The following FBXW7 variants were observed in gnomAD, a reference collection of about 807,000 sequenced individuals.
The protein encoded by FBXW7 is F-box/WD repeat-containing protein 7.
A neutral mutation model predicts 86.3 loss-of-function variants in FBXW7; 11 were observed. The ratio of observed to expected loss-of-function variants is 0.13; its 90% CI spans 0.08 to 0.21. FBXW7 has a LOEUF of 0.21. FBXW7 is among the 10% of genes least tolerant of loss of function. The pLI is 1.00. For missense variants in FBXW7, 488 were observed against 847.4 expected (o/e 0.58, Z 5.27); for synonymous variants, 313 against 297.9 (o/e 1.05, Z -0.52).
intron 4 of FBXW7, among the ~76,000 whole-genome samples, chr4:152,390,257 A>G (rs1376894171): frequency 6.6e-6 from 1 of 151,798 alleles, no homozygotes; most frequent in African/African-American, 2.4e-5. Flanking sequence ...ACTTTTCCTC[A>G]TCCTTTCATT....
intron 2 of FBXW7, among the ~76,000 whole-genome samples, chr4:152,454,786 AGACT>A (rs1195087532): frequency 6.6e-6 from 1 of 152,206 alleles, no homozygotes; most frequent in Non-Finnish European, 1.5e-5. Flanking sequence ...ATAAGGATAA[AGACT>A]GAATGTACAG....
intron 4 of FBXW7, chr4:152,382,558 A>C (rs549308580): frequency 1.9e-6 from 2 of 1,036,554 alleles, no homozygotes; most frequent in South Asian, 4.8e-5. Flanking sequence ...CAGGAATTAT[A>C]AACTACTGAA....
At chr4:152,418,024 T>A (rs1352329574) in intron 2 of FBXW7, among the ~76,000 whole-genome samples, 1 of 152,044 alleles carries the variant, frequency 6.6e-6, no homozygotes, top group Non-Finnish European at 1.5e-5. Context: ...AGTACTGATA[T>A]CAAAAGCTCT....
intron 2 of FBXW7, among the ~76,000 whole-genome samples, chr4:152,500,297 TAA>T (rs1212065338): frequency 1.3e-5 from 2 of 152,080 alleles, no homozygotes; most frequent in Admixed American, 1.3e-4. Flanking sequence ...TCATTTAGTA[TAA>T]GTCAATGCTG....
chr4:152,376,816 C>G (rs569456861), intron 4 of FBXW7, among the ~76,000 whole-genome samples: 1 of 152,108 alleles, frequency 6.6e-6, no homozygotes, highest in African/African-American at 2.4e-5. Flanking sequence ...ACCCCAGACC[C>G]TGAAGTATCA....
intron 2 of FBXW7, among the ~76,000 whole-genome samples, chr4:152,495,238 C>A (rs1320094855): frequency 6.6e-6 from 1 of 151,944 alleles, no homozygotes; most frequent in African/African-American, 2.4e-5. Flanking sequence ...TTCGAGATCA[C>A]CCTGTCCTAC....
chr4:152,340,360 G>C (rs1730601081), intron 6 of FBXW7, among the ~76,000 whole-genome samples: 1 of 151,968 alleles, frequency 6.6e-6, no homozygotes, highest in Non-Finnish European at 1.5e-5. Context: ...GGCAGATCAT[G>C]AGGTCAGGAG....
At chr4:152,531,943 G>T (rs1750059127) in intron 2 of FBXW7, among the ~76,000 whole-genome samples, 1 of 151,584 alleles carries the variant, frequency 6.6e-6, no homozygotes, top group South Asian at 2.1e-4. Flanking sequence ...TGGTGGCCAT[G>T]TTTAAAGCCT....
At chr4:152,327,426 T>C (rs115293786) in intron 11 of FBXW7, among the ~76,000 whole-genome samples, 2,150 of 152,180 alleles carry the variant, frequency 0.014, 24 homozygotes, top group Middle Eastern at 0.034. Context: ...GAGACCTTTT[T>C]TGACAAATGA....
At chr4:152,447,437 T>C (rs891911696) in intron 2 of FBXW7, among the ~76,000 whole-genome samples, 4 of 152,120 alleles carry the variant, frequency 2.6e-5, no homozygotes, top group African/African-American at 9.7e-5. Context: ...CAGCAAAACT[T>C]TTAAGTAATC....
At chr4:152,485,824 C>G (rs73865454) in intron 2 of FBXW7, among the ~76,000 whole-genome samples, 2,699 of 152,244 alleles carry the variant, frequency 0.018, 90 homozygotes, top group African/African-American at 0.061. Flanking sequence ...AAACAGAAAC[C>G]AGACTGATTG....
intron 4 of FBXW7, among the ~76,000 whole-genome samples, chr4:152,410,863 A>G (rs1737882308): frequency 6.6e-6 from 1 of 152,164 alleles, no homozygotes; most frequent in African/African-American, 2.4e-5. Context: ...AACTAGAACT[A>G]ATTTGAGGCA....
chr4:152,438,639 C>A (rs1047865270), intron 2 of FBXW7, among the ~76,000 whole-genome samples: 1 of 152,162 alleles, frequency 6.6e-6, no homozygotes, highest in Non-Finnish European at 1.5e-5. Context: ...TACATCACTG[C>A]ACTCGAGCCT....
At chr4:152,385,257 G>A (rs1735431098) in intron 4 of FBXW7, among the ~76,000 whole-genome samples, 1 of 151,816 alleles carries the variant, frequency 6.6e-6, no homozygotes, top group Non-Finnish European at 1.5e-5. Context: ...ATTAGAAGAG[G>A]GTAATATATT....
chr4:152,351,850 A>G (rs1205046365), intron 4 of FBXW7, among the ~76,000 whole-genome samples: 2 of 152,146 alleles, frequency 1.3e-5, no homozygotes, highest in Non-Finnish European at 2.9e-5. Flanking sequence ...GAAATCCTTC[A>G]ATGAATAAAC....
intron 4 of FBXW7, among the ~76,000 whole-genome samples, chr4:152,355,888 A>G (rs1181252327): frequency 6.6e-6 from 1 of 152,182 alleles, no homozygotes; most frequent in African/African-American, 2.4e-5. Context: ...AGCTCCTACC[A>G]GAGCTCTGAA....
At chr4:152,374,894 G>C (rs570408201) in intron 4 of FBXW7, among the ~76,000 whole-genome samples, 2 of 151,932 alleles carry the variant, frequency 1.3e-5, no homozygotes, top group African/African-American at 4.8e-5. Context: ...AGGAGGGGGG[G>C]GGATGATGCT....
intron 2 of FBXW7, among the ~76,000 whole-genome samples, chr4:152,510,652 G>A (rs1747878454): frequency 2.0e-5 from 3 of 152,214 alleles, no homozygotes; most frequent in Admixed American, 2.0e-4. Flanking sequence ...AAAGCTATGA[G>A]ATTAATCCAA....
intron 2 of FBXW7, among the ~76,000 whole-genome samples, chr4:152,434,963 C>G (rs867262741): frequency 9.9e-5 from 15 of 151,008 alleles, no homozygotes; most frequent in East Asian, 5.8e-4. Flanking sequence ...CCCGCTCCCC[C>G]CCCCCCACAC....
Sources: allele counts gnomAD v4.1 joint callset (sites outside exome capture counted in the v4.1 genomes callset), GRCh38; gene constraint gnomAD v4.1.1; transcripts MANE v1.5; gene names NCBI Gene and HGNC (gene_info 2026-07-23, HGNC 2026-07-21).